FGF12: variants seen among roughly 807,000 people sequenced by gnomAD.
FGF12 encodes fibroblast growth factor 12.
A neutral mutation model predicts 23.6 loss-of-function variants in FGF12; 14 were observed. That is an observed-to-expected ratio of 0.59 (90% CI 0.39 to 0.93). The LOEUF (loss-of-function observed/expected upper bound fraction) is 0.93. Among genes scored for constraint, FGF12 ranks in the 40% least tolerant of loss-of-function variants. FGF12 has a pLI of 0.00. For synonymous variants in FGF12, 62 were observed against 77.3 expected (o/e 0.80, Z 1.04); for missense variants, 175 against 217.8 (o/e 0.80, Z 1.24).
At chr3:192,592,399 A>G (rs1713663676) in intron 2 of FGF12, among the ~76,000 whole-genome samples, 1 of 151,738 alleles carries the variant, frequency 6.6e-6, no homozygotes, top group African/African-American at 2.4e-5. Context: ...TGGCCCTTTC[A>G]CGGGTCCTGG....
chr3:192,574,308 T>G (rs1194402847), intron 2 of FGF12, among the ~76,000 whole-genome samples: 1 of 152,230 alleles, frequency 6.6e-6, no homozygotes, highest in Admixed American at 6.5e-5. Flanking sequence ...TAAAGCCTGC[T>G]ATATAATGAA....
At chr3:192,652,223 A>G (rs1004685462) in intron 2 of FGF12, among the ~76,000 whole-genome samples, 2 of 152,230 alleles carry the variant, frequency 1.3e-5, no homozygotes, top group Admixed American at 6.5e-5. Flanking sequence ...GAACCCATTG[A>G]ACAATTCATC....
intron 3 of FGF12, among the ~76,000 whole-genome samples, chr3:192,340,746 T>G (rs1387961390): frequency 3.3e-5 from 5 of 152,124 alleles, no homozygotes; most frequent in Non-Finnish European, 7.4e-5. Context: ...CTGAAAAAAC[T>G]GGGTATTCAC....
intron 4 of FGF12, among the ~76,000 whole-genome samples, chr3:192,218,017 A>G (rs534000958): frequency 6.6e-6 from 1 of 151,926 alleles, no homozygotes; most frequent in South Asian, 2.1e-4. Context: ...TTGTATTTTT[A>G]GTAGAGATGT....
intron 2 of FGF12, among the ~76,000 whole-genome samples, chr3:192,613,520 T>TA (rs1714628712): frequency 6.6e-6 from 1 of 151,964 alleles, no homozygotes; most frequent in South Asian, 2.1e-4. Flanking sequence ...GGAGAACATG[T>TA]AATAAATAAA....
At chr3:192,155,847 C>T (rs1160247974) in intron 5 of FGF12, among the ~76,000 whole-genome samples, 1 of 152,162 alleles carries the variant, frequency 6.6e-6, no homozygotes, top group African/African-American at 2.4e-5. Flanking sequence ...CTGTGGTTCT[C>T]AAATTATTCT....
chr3:192,296,317 A>C (rs1416005295), intron 4 of FGF12, among the ~76,000 whole-genome samples: 1 of 150,780 alleles, frequency 6.6e-6, no homozygotes, highest in Non-Finnish European at 1.5e-5. Context: ...TTGACCTCCC[A>C]GGCTCAAGTG....
rs1717121123 is a variant in FGF12 at position 192,331,517 on chromosome 3, AG to A, written c.228+3843del. On this transcript the variant is annotated intron_variant, in intron 4 of 5. Transcript: ENST00000445105. ...AATGGAATATTTTTAAACATTAAAA[AG>A]AAGGAAATCCTGTCATATTCTACAA... Among the ~76,000 whole-genome samples the A allele has an allele frequency of 5.9e-5, 9 of 152,274 alleles. No individual in the cohort carries two copies. In the South Asian group the frequency reaches 1.9e-3, roughly 32 times the overall value.
At chr3:192,199,603 A>T (rs1302861919) in intron 4 of FGF12, among the ~76,000 whole-genome samples, 1 of 152,248 alleles carries the variant, frequency 6.6e-6, no homozygotes, top group African/African-American at 2.4e-5. Flanking sequence ...GAGCCAGTGC[A>T]TGAAGTTTAG....
intron 2 of FGF12, among the ~76,000 whole-genome samples, chr3:192,689,036 G>C (rs1049667774): frequency 3.3e-5 from 5 of 152,172 alleles, no homozygotes; most frequent in Non-Finnish European, 7.4e-5. Flanking sequence ...ACAAGTCAAT[G>C]TCCAGGATGT....
At chr3:192,146,679 CT>C (rs113015076) in intron 5 of FGF12, among the ~76,000 whole-genome samples, 2 of 151,454 alleles carry the variant, frequency 1.3e-5, no homozygotes, top group African/African-American at 4.8e-5. Context: ...GGACTTTTAT[CT>C]TTTTTTTTGT....
chr3:192,248,487 A>C (rs1394815983), intron 4 of FGF12, among the ~76,000 whole-genome samples: 1 of 152,198 alleles, frequency 6.6e-6, no homozygotes, highest in African/African-American at 2.4e-5. Flanking sequence ...GGGTATTCAG[A>C]CAGTTAAGAT....
chr3:192,246,749 C>T (rs1202119543), intron 4 of FGF12, among the ~76,000 whole-genome samples: 1 of 149,124 alleles, frequency 6.7e-6, no homozygotes, highest in African/African-American at 2.5e-5. Context: ...CGCTTGAACC[C>T]GGGAAGCAGA....
At chr3:192,243,607 T>C (rs1303561761) in intron 4 of FGF12, among the ~76,000 whole-genome samples, 1 of 151,266 alleles carries the variant, frequency 6.6e-6, no homozygotes, top group East Asian at 1.9e-4. Context: ...AAACAATAAA[T>C]TTACTTCAGG....
At chr3:192,442,193 G>A (rs1722219786) in intron 2 of FGF12, among the ~76,000 whole-genome samples, 1 of 152,174 alleles carries the variant, frequency 6.6e-6, no homozygotes. Flanking sequence ...CAAGCTCAGT[G>A]GGCAGGGAAC....
chr3:192,146,690 T>G (rs1713745373), intron 5 of FGF12, among the ~76,000 whole-genome samples: 2 of 152,098 alleles, frequency 1.3e-5, no homozygotes, highest in African/African-American at 4.8e-5. Flanking sequence ...TTTTTTTTTG[T>G]TTTGTTTTCT....
intron 2 of FGF12, among the ~76,000 whole-genome samples, chr3:192,394,584 C>G (rs759290978): frequency 6.6e-6 from 1 of 152,064 alleles, no homozygotes; most frequent in Non-Finnish European, 1.5e-5. Flanking sequence ...TGATAGTAAC[C>G]CTTTCATGCT....
intron 4 of FGF12, chr3:192,268,756 C>T (rs540585450): frequency 7.6e-5 from 32 of 422,678 alleles, no homozygotes; most frequent in South Asian, 3.1e-4. Flanking sequence ...AACTGTGAGC[C>T]GATCAAAACT....
chr3:192,225,268 G>T (rs535556786), intron 4 of FGF12, among the ~76,000 whole-genome samples: 2 of 151,860 alleles, frequency 1.3e-5, no homozygotes, highest in Admixed American at 1.3e-4. Flanking sequence ...AGCCATCATC[G>T]CTCTGCACTC....
Sources: gnomAD v4.1 joint callset for allele counts (sites outside exome capture counted in the v4.1 genomes callset) on GRCh38, gnomAD v4.1.1 for gene constraint, MANE v1.5 for transcripts, NCBI Gene and HGNC (gene_info 2026-07-23, HGNC 2026-07-21) for gene names.